The following RNF111 variants were observed in gnomAD, a reference collection of about 807,000 sequenced individuals.
The protein encoded by RNF111 is E3 ubiquitin-protein ligase Arkadia.
A neutral mutation model predicts 95.1 loss-of-function variants in RNF111; 17 were observed. The ratio of observed to expected loss-of-function variants is 0.18; its 90% CI spans 0.12 to 0.27. The LOEUF (loss-of-function observed/expected upper bound fraction) is 0.27. RNF111 is among the 10% of genes least tolerant of loss of function. The pLI, the probability that RNF111 is intolerant of heterozygous loss-of-function variation, is 1.00. For synonymous variants in RNF111, 440 were observed against 414.8 expected (o/e 1.06, Z -0.74); for missense variants, 1,189 against 1,210.4 (o/e 0.98, Z 0.26).
intron 2 of RNF111, among the ~76,000 whole-genome samples, chr15:59,044,177 C>G (rs1454893939): frequency 6.6e-6 from 1 of 152,164 alleles, no homozygotes; most frequent in Non-Finnish European, 1.5e-5. Context: ...ATTAGAGGCA[C>G]ACATCACCAT....
intron 2 of RNF111, among the ~76,000 whole-genome samples, chr15:59,052,043 A>G (rs936681475): frequency 6.6e-6 from 1 of 152,180 alleles, no homozygotes; most frequent in Non-Finnish European, 1.5e-5. Context: ...ATCATGTAGA[A>G]ACCACTGAAC....
At chr15:59,094,696 T>C in intron 13 of RNF111, 87 bp from the exon 14 acceptor site, 2 of 778,302 alleles carry the variant, frequency 2.6e-6, no homozygotes, top group South Asian at 2.8e-5. Context: ...CTTCAAAACA[T>C]TATTGAATTA....
chr15:59,018,879 G>T (rs2141626786), intron 1 of RNF111, among the ~76,000 whole-genome samples: 1 of 151,934 alleles, frequency 6.6e-6, no homozygotes, highest in South Asian at 2.1e-4. Flanking sequence ...TTTCCCTTTT[G>T]TTTCTGCCCT....
intron 2 of RNF111, among the ~76,000 whole-genome samples, chr15:59,036,360 C>G (rs1320139104): frequency 2.0e-5 from 3 of 152,016 alleles, no homozygotes; most frequent in Admixed American, 6.6e-5. Context: ...CGCACCCGGC[C>G]AAGACTGGTA....
intron 6 of RNF111, among the ~76,000 whole-genome samples, chr15:59,071,706 T>A (rs1000558569): frequency 3.7e-4 from 55 of 149,460 alleles, no homozygotes; most frequent in Non-Finnish European, 5.1e-4. Flanking sequence ...AAAAAAAAAA[T>A]AAAGTTTTTG....
intron 1 of RNF111, among the ~76,000 whole-genome samples, chr15:59,020,503 A>G (rs1383849175): frequency 2.0e-5 from 3 of 152,212 alleles, no homozygotes; most frequent in Non-Finnish European, 4.4e-5. Context: ...ATTGGCTGTA[A>G]TAATAACAGA....
At chr15:59,006,801 CTTT>C (rs1359458918) in intron 1 of RNF111, among the ~76,000 whole-genome samples, 19 of 151,900 alleles carry the variant, frequency 1.3e-4, no homozygotes, top group African/African-American at 4.3e-4. Flanking sequence ...TATTTTTTTT[CTTT>C]GAGATGGAGT....
At chr15:59,065,962 G>C (rs1398580144) in intron 5 of RNF111, among the ~76,000 whole-genome samples, 2 of 151,940 alleles carry the variant, frequency 1.3e-5, no homozygotes, top group African/African-American at 4.8e-5. Flanking sequence ...TATTTGTGTT[G>C]GTGGATAGTG....
chr15:59,093,903 A>G (rs1449225189), intron 13 of RNF111, among the ~76,000 whole-genome samples: 1 of 152,186 alleles, frequency 6.6e-6, no homozygotes, highest in African/African-American at 2.4e-5. Context: ...TATTGACAAT[A>G]CTGTTCAAGG....
chr15:59,078,076 G>C (rs1399204996), intron 7 of RNF111, among the ~76,000 whole-genome samples: 1 of 152,178 alleles, frequency 6.6e-6, no homozygotes, highest in Non-Finnish European at 1.5e-5. Context: ...GATTCGAGTT[G>C]ACCTCCCAGC....
chr15:59,016,964 T>C (rs1272748368), intron 1 of RNF111, among the ~76,000 whole-genome samples: 1 of 151,886 alleles, frequency 6.6e-6, no homozygotes, highest in African/African-American at 2.4e-5. Flanking sequence ...ATCTAATGCC[T>C]GATGATCTGT....
At chr15:58,993,519 C>G (rs1220869505) in intron 1 of RNF111, among the ~76,000 whole-genome samples, 4 of 152,322 alleles carry the variant, frequency 2.6e-5, no homozygotes, top group Admixed American at 2.6e-4. Flanking sequence ...ACCTGAGTAA[C>G]AGAGTGAGAC....
At chr15:59,000,091 A>G (rs533722939) in intron 1 of RNF111, among the ~76,000 whole-genome samples, 2 of 152,018 alleles carry the variant, frequency 1.3e-5, no homozygotes, top group South Asian at 4.1e-4. Context: ...TCCAGACCAT[A>G]TCAATAAGTA....
chr15:59,041,079 G>A (rs903364586), intron 2 of RNF111, among the ~76,000 whole-genome samples: 3 of 151,892 alleles, frequency 2.0e-5, no homozygotes, highest in African/African-American at 7.3e-5. Context: ...TATTGTTGGG[G>A]TATACAGAGA....
intron 6 of RNF111, among the ~76,000 whole-genome samples, chr15:59,074,317 A>G (rs1357880909): frequency 1.3e-5 from 2 of 152,236 alleles, no homozygotes; most frequent in African/African-American, 4.8e-5. Flanking sequence ...TCTCTTTGCT[A>G]TGAAAGTCCT....
Position 59,094,905 on chromosome 15 carries a change from A to T in RNF111, c.*5A>T. 1 of 1,519,476 alleles carries T rather than the reference A, an allele frequency of 6.6e-7. No homozygotes were observed. The highest frequency in any genetic ancestry group is 9.1e-7 in the Non-Finnish European group (1 of 1,093,910). The allele number at this position is 1,519,476 out of a possible 1,614,324, so 94.1% of individuals were successfully genotyped here. ...CAGCTGCCAAGTGAAAGTTGACACCATGTTTCAGAACTCTTGCCCTCCCTC... is the reference window on the plus strand; with the variant it reads ...CAGCTGCCAAGTGAAAGTTGACACCTTGTTTCAGAACTCTTGCCCTCCCTC... On this transcript the variant is annotated 3_prime_UTR_variant, in exon 14 of 14. Transcript: ENST00000348370.
At chr15:59,036,006 A>G (rs998886261) in intron 2 of RNF111, among the ~76,000 whole-genome samples, 5 of 152,132 alleles carry the variant, frequency 3.3e-5, no homozygotes, top group Non-Finnish European at 7.4e-5. Context: ...GTACCAATTT[A>G]CTGTATTAGT....
chr15:59,006,733 C>T (rs1232650090), intron 1 of RNF111, among the ~76,000 whole-genome samples: 1 of 152,084 alleles, frequency 6.6e-6, no homozygotes, highest in Admixed American at 6.6e-5. Context: ...GCATTTTACC[C>T]GTAAAAAACT....
chr15:59,000,037 A>G (rs558556433), intron 1 of RNF111, among the ~76,000 whole-genome samples: 13 of 152,260 alleles, frequency 8.5e-5, no homozygotes, highest in Admixed American at 7.2e-4. Flanking sequence ...CACCTCCAAC[A>G]ATGGGAATTA....
Sources: allele counts gnomAD v4.1 joint callset (sites outside exome capture counted in the v4.1 genomes callset), GRCh38; gene constraint gnomAD v4.1.1; transcripts MANE v1.5; gene names NCBI Gene and HGNC (gene_info 2026-07-23, HGNC 2026-07-21).